The following ARMH3 variants were observed in gnomAD, a reference collection of about 807,000 sequenced individuals.
ARMH3 encodes armadillo like helical domain containing 3.
In ARMH3, 60 loss-of-function variants were observed where a neutral mutation model predicts 99.1. The observed-to-expected ratio is 0.61, with a 90% CI of 0.49 to 0.75. The LOEUF (loss-of-function observed/expected upper bound fraction) is 0.75. Among genes scored for constraint, ARMH3 ranks in the 30% least tolerant of loss-of-function variants. ARMH3 has a pLI of 0.00. For synonymous variants in ARMH3, 285 were observed against 292.8 expected, an observed-to-expected ratio of 0.97 and a Z score of 0.27; for missense variants, 679 against 843.1, an observed-to-expected ratio of 0.81 and a Z score of 2.41.
At chr10:101,992,325 C>T (rs530085219) in intron 17 of ARMH3, among the ~76,000 whole-genome samples, 1 of 152,058 alleles carries the variant, frequency 6.6e-6, no homozygotes, top group South Asian at 2.1e-4. Flanking sequence ...TTTTACTTTG[C>T]TTTTAGTTAT....
At chr10:101,901,625 T>C (rs1002310797) in intron 23 of ARMH3, among the ~76,000 whole-genome samples, 1 of 152,156 alleles carries the variant, frequency 6.6e-6, no homozygotes, top group East Asian at 1.9e-4. Context: ...CACTGACTTA[T>C]GTTGCTTTCA....
intron 24 of ARMH3, among the ~76,000 whole-genome samples, chr10:101,887,560 C>A (rs941428425): frequency 6.7e-6 from 1 of 150,330 alleles, no homozygotes; most frequent in Non-Finnish European, 1.5e-5. Flanking sequence ...CACACCACCA[C>A]GTCTGGCTAA....
chr10:102,010,023 C>T lies in ARMH3; in HGVS notation c.832G>A (p.Val278Met). ...GCATCTGCTATGAACATGCTGCCCA[C>T]CTGTGGAAGAAAAGGGGAATTGCAA... ...SGFFSALTNM[V>M]GSMFIADAHE... Residue 278 changes from valine (V) to methionine (M), a missense_variant and splice_region_variant, in exon 12 of 26, where the codon GTG becomes ATG. By Grantham distance (21) the Val-to-Met change is conservative. This residue lies in a region of ARMH3 where 280 missense variants were observed against 354.6 expected (regional missense o/e 0.79). Coordinates refer to ENST00000370033, the MANE Select transcript of ARMH3 (RefSeq NM_024541.3). The T allele has an allele frequency of 6.2e-7, 1 of 1,613,788 alleles. No individual in the cohort carries two copies. Among genetic ancestry groups the T allele is most frequent in the Non-Finnish European group, 8.5e-7 (1 of 1,179,812 alleles).
chr10:101,946,060 AGACTCTGCCTC>A (rs773947176), intron 22 of ARMH3, among the ~76,000 whole-genome samples: 16 of 122,348 alleles, frequency 1.3e-4, no homozygotes, highest in Non-Finnish European at 2.2e-4. Flanking sequence ...CGACAGAGTA[AGACTCTGCCTC>A]AAAAAAAAAA....
At position 101,917,602 on chromosome 10, in the gene ARMH3, G is replaced by C. The variant is rs190866150; in HGVS notation, c.1781+22261C>G. 6.6e-4 allele frequency among the ~76,000 whole-genome samples: 101 copies of C among 152,234 alleles called. No homozygotes were observed. In the East Asian group the frequency reaches 0.019, roughly 28 times the overall value. Reference sequence around the variant, plus strand: ...TTATTTCACTTGGGTAAACATTTAGGAGTGGACTGCTGGAAGGTCTACTTT... The same window carrying C: ...TTATTTCACTTGGGTAAACATTTAGCAGTGGACTGCTGGAAGGTCTACTTT... On this transcript the variant is annotated intron_variant, in intron 23 of 25. Coordinates refer to ENST00000370033, the MANE Select transcript of ARMH3 (RefSeq NM_024541.3).
rs372500976 is a variant in ARMH3 at position 101,871,982 on chromosome 10, A to G, written c.1860+17430T>C. ...GCCACTGCACTCCAGCTTGGGCGAC[A>G]GAGTAAGACTCTCAAAAAAAAAGAA... is the stretch of plus-strand genomic sequence containing the variant. On this transcript the variant is annotated intron_variant, in intron 24 of 25. Coordinates refer to ENST00000370033, the MANE Select transcript of ARMH3 (RefSeq NM_024541.3). 5.3e-5 allele frequency among the ~76,000 whole-genome samples: 8 copies of G among 152,202 alleles called. No individual in the cohort carries two copies. In the East Asian group the frequency reaches 1.4e-3, roughly 26 times the overall value.
At chr10:101,873,402 A>C (rs1236860133) in intron 24 of ARMH3, among the ~76,000 whole-genome samples, 1 of 152,046 alleles carries the variant, frequency 6.6e-6, no homozygotes, top group East Asian at 1.9e-4. Context: ...ACAGGGCAAG[A>C]TTCTGTCAAA....
chr10:101,849,909 G>A lies in ARMH3; in HGVS notation c.1861-17C>T, dbSNP rs777277088. The A allele has an allele frequency of 1.9e-6, 3 of 1,606,326 alleles. No homozygotes were observed. The South Asian group carries it at 3.3e-5, about 18-fold the overall frequency. ...CTCCAGCACCTGGAGGACATCAAGG[G>A]CCAGGCAGGGCTTAGGCCATGCAAA... is the stretch of plus-strand genomic sequence containing the variant. On this transcript the variant is annotated splice_polypyrimidine_tract_variant and intron_variant, in intron 24 of 25. Coordinates refer to ENST00000370033, the MANE Select transcript of ARMH3 (RefSeq NM_024541.3).
intron 8 of ARMH3, among the ~76,000 whole-genome samples, chr10:102,016,311 T>C (rs1411026972): frequency 5.3e-5 from 8 of 152,186 alleles, no homozygotes; most frequent in Admixed American, 5.2e-4. Context: ...AGTTTCAGAT[T>C]TGGGGGCATT....
At chr10:101,905,071 A>G (rs1485851922) in intron 23 of ARMH3, among the ~76,000 whole-genome samples, 2 of 152,198 alleles carry the variant, frequency 1.3e-5, no homozygotes, top group South Asian at 2.1e-4. Flanking sequence ...TATTAAGACT[A>G]TATTTCCTAT....
At chr10:102,022,491 TAAA>T (rs745889967) in intron 8 of ARMH3, among the ~76,000 whole-genome samples, 3 of 85,344 alleles carry the variant, frequency 3.5e-5, no homozygotes, top group African/African-American at 4.5e-5. Context: ...GACTCTGACT[TAAA>T]AAAAAAAAAA....
chr10:102,019,789 G>C (rs1027731994), intron 8 of ARMH3, among the ~76,000 whole-genome samples: 2 of 152,020 alleles, frequency 1.3e-5, no homozygotes, highest in East Asian at 3.9e-4. Context: ...TTAGCCGGGC[G>C]TGGTGGCAGG....
intron 1 of ARMH3, among the ~76,000 whole-genome samples, chr10:102,044,218 C>T (rs1475551424): frequency 6.6e-6 from 1 of 151,850 alleles, no homozygotes; most frequent in Admixed American, 6.6e-5. Context: ...CTCAGCCTCC[C>T]CAGTAGCTGA....
At chr10:102,009,592 T>G in intron 12 of ARMH3, 143 bp from the exon 13 acceptor site, 2 of 771,568 alleles carry the variant, frequency 2.6e-6, no homozygotes, top group East Asian at 5.0e-5. Flanking sequence ...TACTTGCCAT[T>G]TGGGCGTATG....
In ARMH3 at chr10:102,010,038, G is replaced by A; in HGVS notation, c.832-15C>T. ...ATGCTGCCCACCTGTGGAAGAAAAG[G>A]GGAATTGCAAACTTATAGCAGGAGG... On this transcript the variant is annotated splice_polypyrimidine_tract_variant and intron_variant, in intron 11 of 25. Coordinates refer to ENST00000370033, the MANE Select transcript of ARMH3 (RefSeq NM_024541.3). The A allele has an allele frequency of 6.2e-7, 1 of 1,613,170 alleles. No homozygotes were observed. The highest frequency in any genetic ancestry group is 8.5e-7 in the Non-Finnish European group (1 of 1,179,268).
chr10:102,009,073 G>A (rs1052555562), intron 13 of ARMH3, among the ~76,000 whole-genome samples: 3 of 152,092 alleles, frequency 2.0e-5, no homozygotes, highest in African/African-American at 4.8e-5. Flanking sequence ...TCCACATAGC[G>A]GATAATACCA....
intron 2 of ARMH3, among the ~76,000 whole-genome samples, chr10:102,036,793 C>T (rs1314198553): frequency 6.6e-6 from 1 of 151,632 alleles, no homozygotes; most frequent in Non-Finnish European, 1.5e-5. Context: ...TGTTTATCTG[C>T]TGACCTTCCC....
chr10:101,878,526 C>T (rs966952719), intron 24 of ARMH3, among the ~76,000 whole-genome samples: 1 of 151,786 alleles, frequency 6.6e-6, no homozygotes, highest in East Asian at 1.9e-4. Flanking sequence ...GTAGTCCCAG[C>T]TACTCGAGAG....
intron 23 of ARMH3, among the ~76,000 whole-genome samples, chr10:101,934,176 C>A (rs989849421): frequency 6.6e-6 from 1 of 152,210 alleles, no homozygotes; most frequent in Non-Finnish European, 1.5e-5. Flanking sequence ...CTGCTGAAAG[C>A]TATTCTTGTT....
Sources: gnomAD v4.1 joint callset for allele counts (sites outside exome capture counted in the v4.1 genomes callset) on GRCh38, gnomAD v4.1.1 for gene constraint, gnomAD v4.1.1 regional missense constraint, MANE v1.5 for transcripts, NCBI Gene and HGNC (gene_info 2026-07-23, HGNC 2026-07-21) for gene names.